Variants in KCNJ18 observed in about 807,000 individuals in gnomAD.
The protein encoded by KCNJ18 is potassium inwardly rectifying channel subfamily J member 18, also known as inward rectifier potassium channel 18.
KCNJ18 carries 16 observed loss-of-function variants against 17.3 expected under a neutral mutation model. The ratio of observed to expected loss-of-function variants is 0.92; its 90% CI spans 0.62 to 1.40. KCNJ18 has a LOEUF of 1.40. Ranked by LOEUF, KCNJ18 falls within the 40% of genes most tolerant of loss-of-function variation. The probability of loss-of-function intolerance (pLI) is 0.00; values close to 1 mark genes in which losing one functional copy is unlikely to be tolerated. For synonymous variants in KCNJ18, 185 were observed against 262.6 expected, an observed-to-expected ratio of 0.70 and a Z score of 2.86; for missense variants, 462 against 626.8, an observed-to-expected ratio of 0.74 and a Z score of 2.81.
chr17:21,702,933 G>A lies in KCNJ18; in HGVS notation c.147G>A (p.Lys49=), dbSNP rs1462832347. The stretch of plus-strand genomic sequence containing the variant: ...GGTGCCGCAACCGCTTCGTCAAGAA[G>A]AATGGCCAGTGCAACATTGCGTTCG... The part of the protein sequence containing the change: ...RRRCRNRFVK[K]NGQCNIAFAN... The change falls in exon 3 of 3, where the codon AAG becomes AAA. Residue 49 remains lysine, a synonymous_variant. Coordinates refer to ENST00000567955, the MANE Select transcript of KCNJ18 (RefSeq NM_001194958.2). 1.3e-6 allele frequency: 2 copies of A among 1,591,358 alleles called. No homozygotes were observed. The highest frequency in any genetic ancestry group is 1.1e-5 in the South Asian group (1 of 88,140).
At chr17:21,694,815 TC>T (rs1567785899) in intron 1 of KCNJ18, among the ~76,000 whole-genome samples, 1 of 151,958 alleles carries the variant, frequency 6.6e-6, no homozygotes, top group South Asian at 2.1e-4. Context: ...ATTCCATCCA[TC>T]CATCCATCCA....
At chr17:21,701,291 C>T (rs1406215046) in intron 2 of KCNJ18, among the ~76,000 whole-genome samples, 28 of 152,298 alleles carry the variant, frequency 1.8e-4, no homozygotes, top group African/African-American at 6.8e-4. Context: ...GTGCAGTAGG[C>T]TGGCCTGGAG....
chr17:21,703,924 G>T lies in KCNJ18; in HGVS notation c.1138G>T (p.Glu380Ter). ...PSANSFCYEN[E>*]LAFLSRDEED... ...TGCCAACTCCTTCTGCTATGAGAAC[G>T]AGCTGGCCTTCCTGAGCCGTGACGA... The change falls in exon 3 of 3, where the codon GAG becomes TAG. Residue 380 changes from glutamate to a stop codon, truncating the protein, a stop_gained. Coordinates refer to ENST00000567955, the MANE Select transcript of KCNJ18 (RefSeq NM_001194958.2). LOFTEE classifies it low-confidence loss of function (END_TRUNC). 6.2e-7 allele frequency: 1 copy of T among 1,611,630 alleles called. No homozygotes were observed. The highest frequency in any genetic ancestry group is 8.5e-7 in the Non-Finnish European group (1 of 1,180,002).
In KCNJ18 at chr17:21,703,939, A is replaced by C. The variant is rs1906070576; in HGVS notation, c.1153A>C (p.Ser385Arg). The stretch of plus-strand genomic sequence containing the variant: ...CTATGAGAACGAGCTGGCCTTCCTG[A>C]GCCGTGACGAGGAGGATGAGGCGGA... ...FCYENELAFL[S>R]RDEEDEADGD... The change falls in exon 3 of 3, where the codon AGC becomes CGC. Residue 385 changes from serine (S) to arginine (R), a missense_variant. Transcript: ENST00000567955. 4.4e-5 allele frequency: 71 copies of C among 1,610,262 alleles called. 2 individuals carry two copies. The South Asian group carries it at 7.1e-4, about 16-fold the overall frequency.
chr17:21,693,232 G>A (rs1284867478), intron 1 of KCNJ18, among the ~76,000 whole-genome samples: 6 of 152,298 alleles, frequency 3.9e-5, no homozygotes, highest in Admixed American at 3.9e-4. Flanking sequence ...CTGTTTGCAG[G>A]GTGCTGCCCT....
intron 1 of KCNJ18, among the ~76,000 whole-genome samples, chr17:21,693,656 G>T (rs1470267291): frequency 3.3e-5 from 5 of 152,304 alleles, no homozygotes; most frequent in Non-Finnish European, 4.4e-5. Context: ...GCAGCCAGCT[G>T]CCAAGCATGC....
chr17:21,699,489 T>TCA (rs1371885091), intron 2 of KCNJ18, among the ~76,000 whole-genome samples: 7 of 152,028 alleles, frequency 4.6e-5, no homozygotes, highest in South Asian at 2.1e-4. Flanking sequence ...TCTCTCTCTC[T>TCA]CTCACACACA....
intron 1 of KCNJ18, among the ~76,000 whole-genome samples, chr17:21,695,063 C>A (rs1323015148): frequency 3.9e-5 from 6 of 152,208 alleles, no homozygotes; most frequent in Non-Finnish European, 7.3e-5. Flanking sequence ...ACCCATTCAC[C>A]CATCTATCCC....
At chr17:21,698,619 C>G (rs1443378021) in intron 2 of KCNJ18, among the ~76,000 whole-genome samples, 8 of 152,104 alleles carry the variant, frequency 5.3e-5, no homozygotes, top group African/African-American at 1.9e-4. Context: ...GTCACCGAAA[C>G]CTGAGAAGCC....
intron 2 of KCNJ18, among the ~76,000 whole-genome samples, chr17:21,699,643 G>A (rs1183632996): frequency 2.6e-5 from 4 of 152,414 alleles, no homozygotes; most frequent in African/African-American, 9.6e-5. Context: ...AGGGAGTGGG[G>A]CATGAACTTG....
chr17:21,702,284 T>TC (rs1905984507), intron 2 of KCNJ18, among the ~76,000 whole-genome samples: 1 of 151,888 alleles, frequency 6.6e-6, no homozygotes, highest in African/African-American at 2.4e-5. Flanking sequence ...GTTCTGCATG[T>TC]CCTGGGGGGC....
At chr17:21,699,801 C>G (rs1905881337) in intron 2 of KCNJ18, among the ~76,000 whole-genome samples, 1 of 152,300 alleles carries the variant, frequency 6.6e-6, no homozygotes, top group Non-Finnish European at 1.5e-5. Flanking sequence ...GCACCCTCAC[C>G]AGTCTGGTAG....
chr17:21,695,455 T>TCCATCCA (rs1905732649), intron 1 of KCNJ18, among the ~76,000 whole-genome samples: 7 of 141,680 alleles, frequency 4.9e-5, no homozygotes, highest in East Asian at 2.1e-4. Flanking sequence ...CCATCCATCC[T>TCCATCCA]TCCATCCATC....
intron 1 of KCNJ18, among the ~76,000 whole-genome samples, chr17:21,695,022 C>T (rs1437413678): frequency 3.7e-3 from 566 of 151,810 alleles, no homozygotes; most frequent in African/African-American, 0.013. Context: ...CCACCCATTA[C>T]CCATCCATCC....
In KCNJ18 at chr17:21,703,204, A is replaced by G. The variant is rs1906030577; in HGVS notation, c.418A>G (p.Thr140Ala). ...FMAAFLFSIE[T>A]QTTIGYGLRC... ...GGCGGCCTTCCTCTTCTCCATCGAG[A>G]CGCAGACCACCATCGGCTACGGGCT... The change falls in exon 3 of 3, where the codon ACG (threonine) becomes GCG (alanine). Residue 140 changes from threonine (T) to alanine (A), a missense_variant. Thr to Ala is a moderately conservative substitution (Grantham distance 58, BLOSUM62 0). Around this residue, in one of 5 missense-constraint regions of KCNJ18, gnomAD observed 237 missense variants for 259.4 expected, o/e 0.91. Transcript: ENST00000567955. The G allele has an allele frequency of 1.2e-6, 2 of 1,610,224 alleles. No individual in the cohort carries two copies. Among genetic ancestry groups the G allele is most frequent in the Admixed American group, 1.7e-5 (1 of 59,810 alleles).
intron 2 of KCNJ18, among the ~76,000 whole-genome samples, chr17:21,698,399 A>G (rs1905833426): frequency 1.3e-5 from 2 of 152,050 alleles, no homozygotes; most frequent in South Asian, 4.2e-4. Context: ...TAAGCACTTG[A>G]TAGATACTGA....
chr17:21,702,912 C>T lies in KCNJ18; in HGVS notation c.126C>T (p.Cys42=), dbSNP rs1906015231. 1 of 1,594,304 alleles carries T rather than the reference C, an allele frequency of 6.3e-7. No homozygotes were observed. The highest frequency in any genetic ancestry group is 8.5e-7 in the Non-Finnish European group (1 of 1,173,852). Residue 42 remains cysteine (C), a synonymous_variant, in exon 3 of 3, where the codon TGC becomes TGT. Transcript: ENST00000567955. The stretch of plus-strand genomic sequence containing the variant: ...GCAAGGTGCACACGCGGCGCAGGTG[C>T]CGCAACCGCTTCGTCAAGAAGAATG... The part of the protein sequence containing the change: ...GNGKVHTRRR[C]RNRFVKKNGQ...
At chr17:21,699,949 T>G (rs1287698577) in intron 2 of KCNJ18, among the ~76,000 whole-genome samples, 15 of 152,274 alleles carry the variant, frequency 9.9e-5, no homozygotes, top group Admixed American at 9.8e-4. Context: ...CCGCTGGAAG[T>G]CCCTCAAGGC....
At chr17:21,699,377 C>T (rs1363078649) in intron 2 of KCNJ18, among the ~76,000 whole-genome samples, 2 of 152,078 alleles carry the variant, frequency 1.3e-5, no homozygotes, top group Non-Finnish European at 2.9e-5. Flanking sequence ...GCTTGTGGTG[C>T]TAGGGTTTCT....
Sources: allele counts gnomAD v4.1 joint callset (sites outside exome capture counted in the v4.1 genomes callset), GRCh38; gene constraint gnomAD v4.1.1; regional missense constraint gnomAD v4.1.1; transcripts MANE v1.5; gene names NCBI Gene and HGNC (gene_info 2026-07-23, HGNC 2026-07-21).